CPS1: variants seen among roughly 807,000 people sequenced by gnomAD.
The protein encoded by CPS1 is carbamoyl-phosphate synthase 1.
A neutral mutation model predicts 174.6 loss-of-function variants in CPS1; 109 were observed. That is an observed-to-expected ratio of 0.62 (90% CI 0.53 to 0.73). The LOEUF is 0.73. CPS1 is among the 30% of genes least tolerant of loss of function. The pLI is 0.00. For synonymous variants in CPS1, 637 were observed against 632.0 expected (o/e 1.01, Z -0.12); for missense variants, 1,689 against 1,821.9 (o/e 0.93, Z 1.33).
chr2:210,600,784 C>A, intron 15 of CPS1, 72 bp downstream of exon 15: 1 of 1,465,824 alleles, frequency 6.8e-7, no homozygotes, highest in Non-Finnish European at 9.5e-7. Context: ...ATTTTTCATG[C>A]CTAATAATAA....
At chr2:210,484,977 C>T (rs931350237) in intron 1 of CPS1, among the ~76,000 whole-genome samples, 15 of 151,986 alleles carry the variant, frequency 9.9e-5, no homozygotes, top group Non-Finnish European at 2.2e-4. Flanking sequence ...GCCTGTAATC[C>T]CAGCACTTTG....
At position 210,590,243 on chromosome 2, in the gene CPS1, A is replaced by G. The variant is rs754876051; in HGVS notation, c.840+9A>G. 1.2e-6 allele frequency: 2 copies of G among 1,612,510 alleles called. No individual in the cohort carries two copies. The highest frequency in any genetic ancestry group is 2.2e-5 in the South Asian group (2 of 91,052). ...TTCAGAATGTCAGAAAGGTGCAATGAACCTTGAATTCATGTGTATCTGTGT... is the reference window on the plus strand; with the variant it reads ...TTCAGAATGTCAGAAAGGTGCAATGGACCTTGAATTCATGTGTATCTGTGT... On this transcript the variant is annotated intron_variant, in intron 8 of 37. Transcript: ENST00000233072.
At chr2:210,528,148 G>C (rs1397391257) in intron 1 of CPS1, among the ~76,000 whole-genome samples, 1 of 151,796 alleles carries the variant, frequency 6.6e-6, no homozygotes, top group Non-Finnish European at 1.5e-5. Flanking sequence ...TGCTTGTTTA[G>C]TGGGCATATA....
intron 1 of CPS1, among the ~76,000 whole-genome samples, chr2:210,547,041 G>C (rs564708438): frequency 2.0e-5 from 3 of 152,058 alleles, no homozygotes; most frequent in Non-Finnish European, 4.4e-5. Flanking sequence ...CCAGGAGTCA[G>C]GATGGACTTT....
rs545309087 is a variant in CPS1, at chr2:210,542,924, G to A, written c.4-13795G>A. 4.6e-5 allele frequency among the ~76,000 whole-genome samples: 7 copies of A among 152,156 alleles called. No homozygotes were observed. In the East Asian group the frequency reaches 7.8e-4, roughly 17 times the overall value. The stretch of plus-strand genomic sequence containing the variant: ...TGGTTTCAAGTATATTCTAGCCCTA[G>A]CCTGATCCACAGGGAAGGTTCTGGA... On this transcript the variant is annotated intron_variant, in intron 1 of 38. Transcript: ENST00000430249.
rs377094467 is a variant in CPS1, at chr2:210,616,550, G to A, written c.2687+9G>A. ...CTGAAAGGCCTCAACAGGTAAGGCA[G>A]TGCTGCTCTCATTCATGCCAGACAC... On this transcript the variant is annotated intron_variant, in intron 21 of 37. Transcript: ENST00000233072. 3 of 1,495,902 alleles carry A rather than the reference G, an allele frequency of 2.0e-6. No homozygotes were observed. Among genetic ancestry groups the A allele is most frequent in the Non-Finnish European group, 9.3e-7 (1 of 1,073,804 alleles). The allele number at this position is 1,495,902 out of a possible 1,614,324, so 92.7% of individuals were successfully genotyped here. A position where few individuals can be genotyped will look rare whatever the true frequency, so the allele number is the denominator to read the frequency against.
chr2:210,577,178 G>A (rs1460852954), intron 3 of CPS1: 7 of 543,890 alleles, frequency 1.3e-5, no homozygotes, highest in Non-Finnish European at 2.3e-5. Flanking sequence ...TCAGAAGGGG[G>A]ACCTAGTTTA....
intron 1 of CPS1, among the ~76,000 whole-genome samples, chr2:210,516,663 T>C (rs1035029904): frequency 6.6e-6 from 1 of 151,916 alleles, no homozygotes; most frequent in Non-Finnish European, 1.5e-5. Context: ...TGAACTCTGG[T>C]TATCTCTACC....
intron 1 of CPS1, among the ~76,000 whole-genome samples, chr2:210,512,736 TTATATATATATATATATATATATATA>T (rs71043996): frequency 0.029 from 1,373 of 46,740 alleles, 159 homozygotes; most frequent in African/African-American, 0.12. Flanking sequence ...TCCAGTAGTT[TTATATATATATATATATATATATATA>T]TATATATATA....
chr2:210,521,481 T>C (rs1695824823), intron 1 of CPS1, among the ~76,000 whole-genome samples: 1 of 151,980 alleles, frequency 6.6e-6, no homozygotes, highest in Non-Finnish European at 1.5e-5. Flanking sequence ...ATTTAGAAGA[T>C]TTTAACCACT....
intron 14 of CPS1, 122 bp downstream of exon 14, chr2:210,599,683 A>G: frequency 9.3e-7 from 1 of 1,079,694 alleles, no homozygotes; most frequent in Non-Finnish European, 1.4e-6. Context: ...CTACTGTGTG[A>G]GAAAGCAGTT....
At position 210,630,096 on chromosome 2, in the gene CPS1, A is replaced by AC. The variant is rs567863915; in HGVS notation, c.2688-7606_2688-7605insC. Among the ~76,000 whole-genome samples the AC allele has an allele frequency of 3.8e-3, 567 of 148,954 alleles. 3 individuals carry two copies. The highest frequency in any genetic ancestry group is 9.2e-3 in the South Asian group (44 of 4,762). ...TCAAAAAACAAAAAAACAAAACAAA[A>AC]AAAAAAAACAAAACCATGAAAAAAC... On this transcript the variant is annotated intron_variant, in intron 21 of 37. Coordinates refer to ENST00000233072, the MANE Select transcript of CPS1 (RefSeq NM_001875.5).
At chr2:210,514,462 T>C (rs950016386) in intron 1 of CPS1, among the ~76,000 whole-genome samples, 5 of 151,844 alleles carry the variant, frequency 3.3e-5, no homozygotes, top group Non-Finnish European at 4.4e-5. Flanking sequence ...GACTGCATTC[T>C]TGATTAGGCT....
rs1178139060 is a variant in CPS1 at position 210,556,776 on chromosome 2, A to G, written c.43A>G (p.Lys15Glu). Residue 15 changes from lysine to glutamate, a missense_variant, in exon 1 of 38, where the codon AAG (lysine) becomes GAG (glutamate). Transcript: ENST00000233072. ...AGCTTTCAAAGTGGTGAGGACACTG[A>G]AGACTGGTTTTGGCTTTACCAATGT... is the stretch of plus-strand genomic sequence containing the variant. ...LTAFKVVRTL[K>E]TGFGFTNVTA... 3 of 1,613,044 alleles carry G rather than the reference A, an allele frequency of 1.9e-6. No homozygotes were observed. Among genetic ancestry groups the G allele is most frequent in the Non-Finnish European group, 2.5e-6 (3 of 1,179,404 alleles).
rs1032619019 is a variant in CPS1, at chr2:210,482,884, T to C, written c.3+5118T>C. On this transcript the variant is annotated intron_variant, in intron 1 of 38. Transcript: ENST00000430249. Reference sequence around the variant, plus strand: ...GTGTACTTATAGGTGGTTATTTCACTTAGATACTTTCAGAGAAAGAGCATT... The same window carrying C: ...GTGTACTTATAGGTGGTTATTTCACCTAGATACTTTCAGAGAAAGAGCATT... Among the ~76,000 whole-genome samples, 2 of 152,218 alleles carry C rather than the reference T, an allele frequency of 1.3e-5. 1 individual carries two copies. The highest frequency in any genetic ancestry group is 2.9e-5 in the Non-Finnish European group (2 of 68,036).
chr2:210,614,718 A>T (rs1003112401), intron 20 of CPS1, among the ~76,000 whole-genome samples: 1 of 151,946 alleles, frequency 6.6e-6, no homozygotes, highest in Non-Finnish European at 1.5e-5. Flanking sequence ...AAAAGGATGA[A>T]TTCATGTCCT....
chr2:210,571,035 T>C lies in CPS1; in HGVS notation c.127-2263T>C, dbSNP rs577674335. On this transcript the variant is annotated intron_variant, in intron 1 of 37. Transcript: ENST00000233072. ...AAAATTTAGAATCAGAATAGCACAT[T>C]ATCAGAAGAAACATGCGAAGCTGAT... is the stretch of plus-strand genomic sequence containing the variant. 1.1e-4 allele frequency among the ~76,000 whole-genome samples: 16 copies of C among 152,072 alleles called. 1 individual carries two copies. The South Asian group carries it at 3.1e-3, about 30-fold the overall frequency.
intron 6 of CPS1, 97 bp downstream of exon 6, chr2:210,582,806 G>C (rs1697969451): frequency 1.0e-6 from 1 of 956,764 alleles, no homozygotes; most frequent in African/African-American, 1.6e-5. Context: ...TTATCTTCCA[G>C]AAGCACCAGT....
At chr2:210,650,853 T>A (rs1201004971) in intron 28 of CPS1, among the ~76,000 whole-genome samples, 2 of 140,744 alleles carry the variant, frequency 1.4e-5, no homozygotes, top group Non-Finnish European at 3.1e-5. Context: ...TCCTGATTTT[T>A]AATTTTCACA....
Sources: allele counts gnomAD v4.1 joint callset (sites outside exome capture counted in the v4.1 genomes callset), GRCh38; gene constraint gnomAD v4.1.1; transcripts MANE v1.5; gene names NCBI Gene and HGNC (gene_info 2026-07-23, HGNC 2026-07-21).